Variants in SPAG17 observed in about 807,000 individuals in gnomAD.
SPAG17 encodes sperm-associated antigen 17.
Under a neutral mutation model 273.6 loss-of-function variants are expected in SPAG17, and 169 were observed. The observed-to-expected ratio is 0.62, with a 90% CI of 0.55 to 0.70. SPAG17 has a LOEUF of 0.70. Ranked by LOEUF, SPAG17 falls within the 30% of genes least tolerant of loss-of-function variation. The pLI is 0.00. For synonymous variants in SPAG17, 825 were observed against 873.2 expected (o/e 0.94, Z 0.97); for missense variants, 2,557 against 2,627.8 (o/e 0.97, Z 0.59).
chr1:118,057,491 A>G (rs1467536688), intron 18 of SPAG17, among the ~76,000 whole-genome samples: 1 of 152,198 alleles, frequency 6.6e-6, no homozygotes, highest in Non-Finnish European at 1.5e-5. Flanking sequence ...AGTAACCTAC[A>G]CCAAGGAAAT....
chr1:117,991,847 G>A (rs571556589), intron 36 of SPAG17, among the ~76,000 whole-genome samples: 2 of 152,236 alleles, frequency 1.3e-5, no homozygotes, highest in East Asian at 3.9e-4. Flanking sequence ...TGATGTGTAG[G>A]ATCCTTTCAG....
intron 30 of SPAG17, 60 bp from the exon 31 acceptor site, chr1:118,008,258 C>T: frequency 3.2e-6 from 5 of 1,576,056 alleles, no homozygotes; most frequent in Non-Finnish European, 4.3e-6. Flanking sequence ...AAACAGACCT[C>T]AGCCTATTGA....
At chr1:118,005,913 C>T (rs1050580248) in intron 31 of SPAG17, among the ~76,000 whole-genome samples, 1 of 152,138 alleles carries the variant, frequency 6.6e-6, no homozygotes, top group African/African-American at 2.4e-5. Context: ...AGGTTACATA[C>T]ATGTTTGGCC....
Position 117,954,492 on chromosome 1 carries a change from T to A in SPAG17, c.*1-443A>T, listed in dbSNP as rs1321313642. 3 of 1,333,558 alleles carry A rather than the reference T, an allele frequency of 2.2e-6. No homozygotes were observed. In the African/African-American group the frequency reaches 4.5e-5, roughly 20 times the overall value. The allele number at this position is 1,333,558 out of a possible 1,614,324, so 82.6% of individuals were successfully genotyped here. ...GGGTCTCTTTTTTCCCTTTTCAAAA[T>A]TATAAAATACAGTTACCACTCTGTC... is the stretch of plus-strand genomic sequence containing the variant. On this transcript the variant is annotated intron_variant, in intron 48 of 48. Coordinates refer to ENST00000336338, the MANE Select transcript of SPAG17 (RefSeq NM_206996.4).
chr1:118,079,660 TTTTG>T (rs1654378793), intron 15 of SPAG17, among the ~76,000 whole-genome samples: 1 of 152,120 alleles, frequency 6.6e-6, no homozygotes, highest in Non-Finnish European at 1.5e-5. Flanking sequence ...TTTTGATTTA[TTTTG>T]TTTGTCTTTA....
intron 48 of SPAG17, chr1:117,955,247 A>C: frequency 7.3e-7 from 1 of 1,364,440 alleles, no homozygotes; most frequent in East Asian, 2.4e-5. Context: ...TATAGGAGAT[A>C]GAAATTAGAG....
chr1:117,964,452 G>A (rs895818496), intron 47 of SPAG17: 1 of 152,264 alleles, frequency 6.6e-6, no homozygotes, highest in African/African-American at 2.4e-5. Context: ...AATAACCTGT[G>A]TGGAGAGGGT....
chr1:118,144,216 C>A (rs937264582), intron 3 of SPAG17, among the ~76,000 whole-genome samples: 1 of 152,200 alleles, frequency 6.6e-6, no homozygotes, highest in African/African-American at 2.4e-5. Context: ...ATTCCTAAAG[C>A]AATGGAGCCC....
intron 10 of SPAG17, among the ~76,000 whole-genome samples, chr1:118,089,318 G>A (rs948475635): frequency 8.0e-5 from 5 of 62,274 alleles, no homozygotes; most frequent in African/African-American, 3.8e-4. Context: ...AAACCAGAAG[G>A]CCTATGTAGA....
At chr1:118,163,485 C>T (rs144238633) in intron 1 of SPAG17, among the ~76,000 whole-genome samples, 255 of 152,118 alleles carry the variant, frequency 1.7e-3, no homozygotes, top group African/African-American at 4.6e-3. Flanking sequence ...CCTTCACTGG[C>T]CCCAAGAACT....
intron 25 of SPAG17, among the ~76,000 whole-genome samples, chr1:118,029,529 CT>C (rs1384470384): frequency 1.3e-5 from 2 of 152,076 alleles, no homozygotes; most frequent in East Asian, 1.9e-4. Flanking sequence ...GCACATACTG[CT>C]TTTGTAGCAA....
At chr1:118,111,553 AACACACACAC>A (rs61266210) in intron 4 of SPAG17, among the ~76,000 whole-genome samples, 35 of 135,922 alleles carry the variant, frequency 2.6e-4, no homozygotes, top group Non-Finnish European at 3.9e-4. Flanking sequence ...CTTTTAAAAC[AACACACACAC>A]ACACACACAC....
intron 25 of SPAG17, among the ~76,000 whole-genome samples, chr1:118,030,805 T>C (rs150424375): frequency 0.011 from 1,686 of 152,326 alleles, 14 homozygotes; most frequent in Non-Finnish European, 0.018. Context: ...TATTCCATGG[T>C]GTATGTGTAC....
At chr1:118,066,143 A>G (rs1652940720) in intron 18 of SPAG17, among the ~76,000 whole-genome samples, 1 of 152,160 alleles carries the variant, frequency 6.6e-6, no homozygotes, top group Non-Finnish European at 1.5e-5. Flanking sequence ...TGTATTCTTT[A>G]AAACTAAAAA....
chr1:118,101,815 C>A lies in SPAG17; in HGVS notation c.559G>T (p.Glu187Ter). Residue 187 changes from glutamate to a stop codon, truncating the protein, a stop_gained, in exon 5 of 49, where the codon GAG becomes TAG. Coordinates refer to ENST00000336338, the MANE Select transcript of SPAG17 (RefSeq NM_206996.4). LOFTEE classifies it high-confidence loss of function. ...PAKGKGKDQP[E>*]ANAPVKKTTQ... ...GTCTTTTTCACTGGTGCATTTGCCT[C>A]AGGCTGATCCTTTCCCTTTCCTTTG... 6.2e-7 allele frequency: 1 copy of A among 1,614,122 alleles called. No individual in the cohort carries two copies. Among genetic ancestry groups the A allele is most frequent in the South Asian group, 1.1e-5 (1 of 91,078 alleles).
chr1:118,088,902 G>T (rs1045170278), intron 10 of SPAG17, among the ~76,000 whole-genome samples: 1 of 152,152 alleles, frequency 6.6e-6, no homozygotes, highest in Non-Finnish European at 1.5e-5. Context: ...GATATTTGAA[G>T]ATAGAAGACT....
In SPAG17 at chr1:117,970,131, G is replaced by T; in HGVS notation, c.6327-15C>A. ...TTACTTTAAACCTACAAGGCAGAAA[G>T]ATAAAAATAAATTTATGACATAATG... is the stretch of plus-strand genomic sequence containing the variant. On this transcript the variant is annotated splice_polypyrimidine_tract_variant and intron_variant, in intron 45 of 48. Coordinates refer to ENST00000336338, the MANE Select transcript of SPAG17 (RefSeq NM_206996.4). 1 of 1,606,660 alleles carries T rather than the reference G, an allele frequency of 6.2e-7. No homozygotes were observed. Among genetic ancestry groups the T allele is most frequent in the Non-Finnish European group, 8.5e-7 (1 of 1,177,632 alleles).
At chr1:118,143,800 G>T (rs993841702) in intron 3 of SPAG17, among the ~76,000 whole-genome samples, 3 of 152,170 alleles carry the variant, frequency 2.0e-5, no homozygotes, top group African/African-American at 7.2e-5. Context: ...CCCAGACCTG[G>T]AGGAGAAGCT....
At chr1:118,104,285 T>A (rs1251077781) in intron 4 of SPAG17, among the ~76,000 whole-genome samples, 1 of 152,190 alleles carries the variant, frequency 6.6e-6, no homozygotes, top group Admixed American at 6.5e-5. Flanking sequence ...ATTAAGATAG[T>A]GCTGTGGATT....
Sources: gnomAD v4.1 joint callset for allele counts (sites outside exome capture counted in the v4.1 genomes callset) on GRCh38, gnomAD v4.1.1 for gene constraint, MANE v1.5 for transcripts, NCBI Gene and HGNC (gene_info 2026-07-23, HGNC 2026-07-21) for gene names.